MED13L: variants seen among roughly 807,000 people sequenced by gnomAD.
MED13L encodes the protein mediator complex subunit 13L.
Under a neutral mutation model 220.9 loss-of-function variants are expected in MED13L, and 7 were observed. The ratio of observed to expected loss-of-function variants is 0.03; its 90% CI spans 0.02 to 0.06. The LOEUF (loss-of-function observed/expected upper bound fraction) is 0.06, where lower values mean the gene tolerates loss of function less well. MED13L is among the 10% of genes least tolerant of loss of function. The pLI, the probability that MED13L is intolerant of heterozygous loss-of-function variation, is 1.00. For synonymous variants in MED13L, 1,011 were observed against 1,015.2 expected (o/e 1.00, Z 0.08); for missense variants, 1,965 against 2,760.5 (o/e 0.71, Z 6.46).
At chr12:116,253,152 C>T (rs1462561793) in intron 1 of MED13L, among the ~76,000 whole-genome samples, 1 of 136,158 alleles carries the variant, frequency 7.3e-6, no homozygotes, top group East Asian at 2.2e-4. Flanking sequence ...ATCCCAGCTA[C>T]TTGGGAGGCT....
At chr12:116,103,373 C>T (rs1873256178) in intron 3 of MED13L, among the ~76,000 whole-genome samples, 1 of 152,162 alleles carries the variant, frequency 6.6e-6, no homozygotes, top group Admixed American at 6.5e-5. Flanking sequence ...CTGCCTTGGC[C>T]CCACAAATAG....
At chr12:116,272,733 T>C (rs1267567481) in intron 1 of MED13L, among the ~76,000 whole-genome samples, 1 of 152,212 alleles carries the variant, frequency 6.6e-6, no homozygotes, top group Non-Finnish European at 1.5e-5. Context: ...ATTTGTAGCA[T>C]ACAGGCCTAA....
At chr12:116,021,660 T>C (rs1172801940) in intron 5 of MED13L, among the ~76,000 whole-genome samples, 1 of 152,170 alleles carries the variant, frequency 6.6e-6, no homozygotes, top group Non-Finnish European at 1.5e-5. Flanking sequence ...CAGTGTTTTT[T>C]AAAATTATAT....
chr12:116,041,450 G>A (rs978388336), intron 4 of MED13L, among the ~76,000 whole-genome samples: 1 of 152,178 alleles, frequency 6.6e-6, no homozygotes, highest in East Asian at 1.9e-4. Context: ...ATACAGGCCC[G>A]AAGAGATCTG....
chr12:116,237,845 AATGT>A (rs759967412), intron 1 of MED13L, 140 bp from the exon 2 acceptor site: 1 of 774,206 alleles, frequency 1.3e-6, no homozygotes, highest in Admixed American at 2.1e-5. Flanking sequence ...CCCAGTGAAG[AATGT>A]ATGTCAATCT....
At chr12:115,966,789 CTT>C (rs1275840709) in intron 28 of MED13L, among the ~76,000 whole-genome samples, 1 of 152,194 alleles carries the variant, frequency 6.6e-6, no homozygotes, top group Non-Finnish European at 1.5e-5. Context: ...GCAACTGACA[CTT>C]TTCTTATCTT....
chr12:116,270,145 A>ATT (rs780982992), intron 1 of MED13L, among the ~76,000 whole-genome samples: 8 of 145,500 alleles, frequency 5.5e-5, no homozygotes, highest in Non-Finnish European at 9.1e-5. Flanking sequence ...ACCACAGATA[A>ATT]TTTTTTTTTT....
intron 1 of MED13L, chr12:116,276,716 G>C: frequency 9.4e-6 from 6 of 637,838 alleles, no homozygotes; most frequent in Non-Finnish European, 1.3e-5. Flanking sequence ...TTTACGGGGG[G>C]AAAAAAAGGG....
chr12:116,225,484 T>A (rs1318129630), intron 2 of MED13L, among the ~76,000 whole-genome samples: 1 of 152,180 alleles, frequency 6.6e-6, no homozygotes, highest in Non-Finnish European at 1.5e-5. Context: ...CAAACGCTAT[T>A]ACCTCCCTAA....
intron 2 of MED13L, among the ~76,000 whole-genome samples, chr12:116,183,099 G>A (rs542067470): frequency 1.3e-4 from 20 of 152,064 alleles, no homozygotes; most frequent in Non-Finnish European, 2.6e-4. Context: ...TGATTTAAAT[G>A]TACCAAAGCC....
At chr12:116,213,020 T>C (rs1437765475) in intron 2 of MED13L, among the ~76,000 whole-genome samples, 2 of 152,154 alleles carry the variant, frequency 1.3e-5, no homozygotes, top group African/African-American at 4.8e-5. Flanking sequence ...TCAATTACAG[T>C]CTCAATACTA....
At chr12:116,212,896 A>AG (rs1565931141) in intron 2 of MED13L, among the ~76,000 whole-genome samples, 1 of 152,180 alleles carries the variant, frequency 6.6e-6, no homozygotes, top group African/African-American at 2.4e-5. Flanking sequence ...GAAAGTGGAG[A>AG]GTTAATGCTC....
At chr12:116,156,283 A>C (rs551403065) in intron 2 of MED13L, among the ~76,000 whole-genome samples, 1 of 152,076 alleles carries the variant, frequency 6.6e-6, no homozygotes, top group East Asian at 1.9e-4. Flanking sequence ...CCACTGAAGC[A>C]TATATTATAC....
At chr12:116,217,312 T>C (rs1159449670) in intron 2 of MED13L, among the ~76,000 whole-genome samples, 2 of 152,214 alleles carry the variant, frequency 1.3e-5, no homozygotes, top group Non-Finnish European at 2.9e-5. Flanking sequence ...TATTCAAGGA[T>C]GCAACATGGC....
At chr12:116,205,016 A>C (rs1882225055) in intron 2 of MED13L, among the ~76,000 whole-genome samples, 1 of 152,158 alleles carries the variant, frequency 6.6e-6, no homozygotes, top group Admixed American at 6.5e-5. Context: ...GAACACCATA[A>C]ACCCTTTCTT....
At chr12:116,032,792 A>G (rs1880932771) in intron 4 of MED13L, among the ~76,000 whole-genome samples, 1 of 152,186 alleles carries the variant, frequency 6.6e-6, no homozygotes. Context: ...TGTGCACCTA[A>G]AAACAATTTG....
intron 2 of MED13L, among the ~76,000 whole-genome samples, chr12:116,227,415 G>GT (rs1869114883): frequency 1.3e-5 from 2 of 152,090 alleles, no homozygotes; most frequent in East Asian, 3.8e-4. Context: ...CAAATTTAAG[G>GT]TGTGTAGCAA....
intron 2 of MED13L, among the ~76,000 whole-genome samples, chr12:116,185,377 G>T (rs1219109900): frequency 6.6e-6 from 1 of 151,338 alleles, no homozygotes; most frequent in Non-Finnish European, 1.5e-5. Flanking sequence ...ACATTTCAGA[G>T]GAGAGAGGAC....
chr12:116,031,692 A>G (rs1566020409), intron 4 of MED13L, among the ~76,000 whole-genome samples: 2 of 34,070 alleles, frequency 5.9e-5, no homozygotes, highest in Non-Finnish European at 1.5e-4. Context: ...AAAGAAAAGA[A>G]AAGAAAAGAA....
Sources: gnomAD v4.1 joint callset for allele counts (sites outside exome capture counted in the v4.1 genomes callset) on GRCh38, gnomAD v4.1.1 for gene constraint, MANE v1.5 for transcripts, NCBI Gene and HGNC (gene_info 2026-07-23, HGNC 2026-07-21) for gene names.